The following SNTB2 variants were observed in gnomAD, a reference collection of about 807,000 sequenced individuals.
The protein encoded by SNTB2 is beta-2-syntrophin.
In SNTB2, 34 loss-of-function variants were observed where a neutral mutation model predicts 46.2. The observed-to-expected ratio is 0.74, with a 90% CI of 0.56 to 0.98. The LOEUF (loss-of-function observed/expected upper bound fraction) is 0.98, where lower values mean the gene tolerates loss of function less well. SNTB2 is among the 50% of genes least tolerant of loss of function. The pLI is 0.00. For missense variants in SNTB2, 603 were observed against 731.4 expected, an observed-to-expected ratio of 0.82 and a Z score of 2.02; for synonymous variants, 290 against 312.6, an observed-to-expected ratio of 0.93 and a Z score of 0.76.
chr16:69,252,150 G>C (rs1338720733), intron 2 of SNTB2, among the ~76,000 whole-genome samples: 2 of 152,056 alleles, frequency 1.3e-5, no homozygotes, highest in African/African-American at 4.8e-5. Context: ...AAATGTGTTT[G>C]GTATTAGAGG....
At chr16:69,263,954 C>T (rs917392252) in intron 3 of SNTB2, among the ~76,000 whole-genome samples, 12 of 150,978 alleles carry the variant, frequency 7.9e-5, no homozygotes, top group Admixed American at 2.0e-4. Context: ...CTGCAAGCTC[C>T]GCCTCCCAAA....
chr16:69,224,160 C>T (rs1262479510), intron 1 of SNTB2, among the ~76,000 whole-genome samples: 1 of 151,010 alleles, frequency 6.6e-6, no homozygotes, highest in African/African-American at 2.4e-5. Flanking sequence ...TCATATAAAC[C>T]TTGATTACTG....
In SNTB2 at chr16:69,306,487, G is replaced by T. The variant is rs1038810035; in HGVS notation, c.*5563G>T. ...ATATGCCTTTTGCAAATTATTGCTT[G>T]TTCTCCAGTGAACATTTGATCATAT... On this transcript the variant is annotated 3_prime_UTR_variant, in exon 7 of 7. Coordinates refer to ENST00000336278, the MANE Select transcript of SNTB2 (RefSeq NM_006750.4). 2 of 152,192 alleles carry T rather than the reference G, an allele frequency of 1.3e-5. No individual in the cohort carries two copies. Among genetic ancestry groups the T allele is most frequent in the African/African-American group, 4.8e-5 (2 of 41,442 alleles). The allele number at this position is 152,192 out of a possible 1,614,324, so 9.4% of individuals were successfully genotyped here.
chr16:69,191,132 G>C (rs1964047052), intron 1 of SNTB2: 1 of 151,712 alleles, frequency 6.6e-6, no homozygotes, highest in Admixed American at 6.6e-5. Context: ...GCGCTGGTCC[G>C]AGTGCAGTGG....
intron 5 of SNTB2, among the ~76,000 whole-genome samples, chr16:69,292,352 TTTTATATATATA>T (rs1567416231): frequency 0.026 from 1,528 of 58,664 alleles, 287 homozygotes; most frequent in African/African-American, 0.12. Context: ...TCACCTTATT[TTTTATATATATA>T]TATATATATA....
chr16:69,198,808 A>C (rs1237943459), intron 1 of SNTB2, among the ~76,000 whole-genome samples: 1 of 152,150 alleles, frequency 6.6e-6, no homozygotes, highest in African/African-American at 2.4e-5. Context: ...ATATTTTACA[A>C]TTCTAAATAT....
chr16:69,204,404 A>G (rs1964194520), intron 1 of SNTB2, among the ~76,000 whole-genome samples: 1 of 152,164 alleles, frequency 6.6e-6, no homozygotes. Flanking sequence ...TATTCCATAT[A>G]TGGAATATTA....
rs551012688 is a variant in SNTB2, at chr16:69,259,022, G to T, written c.795-1028G>T. ...CAGAATTTCCTAAATGCTTAAAAGG[G>T]TATCAGTTCCTTCTTTACAGTGTGC... On this transcript the variant is annotated intron_variant, in intron 2 of 6. Coordinates refer to ENST00000336278, the MANE Select transcript of SNTB2 (RefSeq NM_006750.4). Among the ~76,000 whole-genome samples the T allele has an allele frequency of 3.3e-5, 5 of 152,060 alleles. No individual in the cohort carries two copies. The South Asian group carries it at 1.0e-3, about 32-fold the overall frequency.
intron 4 of SNTB2, among the ~76,000 whole-genome samples, chr16:69,274,769 G>A (rs1964970534): frequency 6.6e-6 from 1 of 152,056 alleles, no homozygotes. Flanking sequence ...GACCAGCCTG[G>A]GCAACATAGT....
At chr16:69,287,388 C>T (rs1354593182) in intron 5 of SNTB2, among the ~76,000 whole-genome samples, 2 of 151,450 alleles carry the variant, frequency 1.3e-5, no homozygotes, top group African/African-American at 4.9e-5. Flanking sequence ...TGGCCAACAT[C>T]GTGAAACCCC....
intron 1 of SNTB2, among the ~76,000 whole-genome samples, chr16:69,215,986 T>C (rs1214994513): frequency 2.0e-5 from 3 of 152,012 alleles, no homozygotes; most frequent in Admixed American, 6.6e-5. Context: ...AGAAAAAAAT[T>C]TGTAGAGATG....
intron 1 of SNTB2, among the ~76,000 whole-genome samples, chr16:69,203,068 G>T (rs1964179789): frequency 6.6e-6 from 1 of 151,642 alleles, no homozygotes; most frequent in Admixed American, 6.6e-5. Flanking sequence ...GCCCAGGCTA[G>T]AGCTCAGGGG....
chr16:69,211,036 C>T (rs1426968403), intron 1 of SNTB2, among the ~76,000 whole-genome samples: 1 of 151,806 alleles, frequency 6.6e-6, no homozygotes, highest in African/African-American at 2.4e-5. Flanking sequence ...GCTGTGTTGC[C>T]CAGGGTGGTT....
intron 1 of SNTB2, among the ~76,000 whole-genome samples, chr16:69,210,853 C>G (rs550497134): frequency 3.4e-4 from 51 of 152,116 alleles, no homozygotes; most frequent in East Asian, 7.8e-4. Context: ...ATTAGTCAGG[C>G]GTGGTGGCGC....
At chr16:69,209,032 C>T (rs1964252929) in intron 1 of SNTB2, among the ~76,000 whole-genome samples, 1 of 149,986 alleles carries the variant, frequency 6.7e-6, no homozygotes, top group African/African-American at 2.5e-5. Context: ...GGCTGGAGTG[C>T]AGTCGCCCGA....
At chr16:69,193,159 G>C (rs904759819) in intron 1 of SNTB2, among the ~76,000 whole-genome samples, 8 of 151,596 alleles carry the variant, frequency 5.3e-5, no homozygotes, top group African/African-American at 1.7e-4. Context: ...GGAAGGCAGA[G>C]GCAGTAGGAT....
chr16:69,234,004 A>C (rs1964532936), intron 1 of SNTB2, among the ~76,000 whole-genome samples: 1 of 151,866 alleles, frequency 6.6e-6, no homozygotes, highest in Admixed American at 6.6e-5. Flanking sequence ...TGGACAACAA[A>C]GTGAGACTCT....
At chr16:69,262,696 A>G (rs1220070697) in intron 3 of SNTB2, among the ~76,000 whole-genome samples, 1 of 151,180 alleles carries the variant, frequency 6.6e-6, no homozygotes, top group Non-Finnish European at 1.5e-5. Context: ...TTTTTTTTTG[A>G]AATGAGGTCT....
At position 69,304,840 on chromosome 16, in the gene SNTB2, A is replaced by AT. The variant is rs1010603726; in HGVS notation, c.*3925dup. 1.8e-4 allele frequency: 25 copies of AT among 141,656 alleles called. No individual in the cohort carries two copies. Among genetic ancestry groups the AT allele is most frequent in the Middle Eastern group, 3.7e-3 (1 of 272 alleles). 8.8% of individuals were successfully genotyped at this position (141,656 alleles called of 1,614,324 possible). A position where few individuals can be genotyped will look rare whatever the true frequency, so the allele number is the denominator to read the frequency against. Reference sequence around the variant, plus strand: ...CACCACACCTGGCTAATTTTTATGGATTTTTTTTTCTTTTTTTTTTTTCGC... The same window carrying AT: ...CACCACACCTGGCTAATTTTTATGGATTTTTTTTTTCTTTTTTTTTTTTCGC... On this transcript the variant is annotated 3_prime_UTR_variant, in exon 7 of 7. Transcript: ENST00000336278.
Sources: allele counts gnomAD v4.1 joint callset (sites outside exome capture counted in the v4.1 genomes callset), GRCh38; gene constraint gnomAD v4.1.1; transcripts MANE v1.5; gene names NCBI Gene and HGNC (gene_info 2026-07-23, HGNC 2026-07-21).